The following IQSEC1 variants were observed in gnomAD, a reference collection of about 807,000 sequenced individuals.
IQSEC1 encodes the protein IQ motif and Sec7 domain ArfGEF 1.
A neutral mutation model predicts 91.0 loss-of-function variants in IQSEC1; 31 were observed. The ratio of observed to expected loss-of-function variants is 0.34; its 90% CI spans 0.26 to 0.46. The LOEUF (loss-of-function observed/expected upper bound fraction) is 0.46. IQSEC1 is among the 20% of genes least tolerant of loss of function. The pLI is 1.00. For synonymous variants in IQSEC1, 699 were observed against 662.6 expected (o/e 1.05, Z -0.84); for missense variants, 1,388 against 1,575.6 (o/e 0.88, Z 2.02).
chr3:13,268,156 G>A (rs898442291), intron 1 of IQSEC1, among the ~76,000 whole-genome samples: 7 of 152,184 alleles, frequency 4.6e-5, no homozygotes, highest in African/African-American at 1.7e-4. Flanking sequence ...CCTGAGCAGA[G>A]CCCAAGAGCT....
chr3:12,976,525 T>A (rs1286263827), intron 1 of IQSEC1, among the ~76,000 whole-genome samples: 3 of 152,192 alleles, frequency 2.0e-5, no homozygotes, highest in Admixed American at 6.5e-5. Context: ...GCATAGAGTC[T>A]GGGAGACAGA....
At chr3:13,160,368 C>T (rs148822111) in intron 2 of IQSEC1, among the ~76,000 whole-genome samples, 188 of 152,100 alleles carry the variant, frequency 1.2e-3, no homozygotes, top group South Asian at 3.7e-3. Context: ...GCTATGTTGC[C>T]CAGGCTAGTC....
At chr3:13,036,456 A>T (rs539131658) in intron 1 of IQSEC1, among the ~76,000 whole-genome samples, 2 of 152,054 alleles carry the variant, frequency 1.3e-5, no homozygotes, top group African/African-American at 2.4e-5. Context: ...AACAAAAATA[A>T]TTTTTTTTAA....
intron 1 of IQSEC1, among the ~76,000 whole-genome samples, chr3:12,955,727 G>A (rs1315859801): frequency 6.6e-6 from 1 of 152,178 alleles, no homozygotes; most frequent in Non-Finnish European, 1.5e-5. Context: ...TCTCCCGAGC[G>A]CCACCGGGCC....
In IQSEC1 at chr3:13,008,767, G is replaced by C. The variant is rs1702745658; in HGVS notation, c.23+64225C>G. Among the ~76,000 whole-genome samples the C allele has an allele frequency of 6.6e-6, 1 of 152,158 alleles. No individual in the cohort carries two copies. On this transcript the variant is annotated intron_variant, in intron 1 of 13. Transcript: ENST00000613206. The surrounding 1 kb of genome is among the most constrained non-coding windows in gnomAD (Gnocchi z 4.1). ...TTGGTCGAGTTACTGATAGAACAAC[G>C]CTCTTGATCCGGCTCCAGGGCAGAA... is the stretch of plus-strand genomic sequence containing the variant.
intron 2 of IQSEC1, among the ~76,000 whole-genome samples, chr3:13,124,995 C>T (rs1158640643): frequency 6.6e-6 from 1 of 152,178 alleles, no homozygotes; most frequent in African/African-American, 2.4e-5. Flanking sequence ...GATCTCCATC[C>T]TCCTTCTCCA....
chr3:13,126,092 T>C (rs1306187091), intron 2 of IQSEC1, among the ~76,000 whole-genome samples: 1 of 152,224 alleles, frequency 6.6e-6, no homozygotes, highest in African/African-American at 2.4e-5. Flanking sequence ...CACACAATAC[T>C]CTGGACATAT....
At position 12,997,548 on chromosome 3, in the gene IQSEC1, A is replaced by C. The variant is rs187049368; in HGVS notation, c.24-55683T>G. Among the ~76,000 whole-genome samples the C allele has an allele frequency of 1.1e-3, 170 of 152,304 alleles. 1 individual carries two copies. The highest frequency in any genetic ancestry group is 3.7e-3 in the African/African-American group (152 of 41,566). ...GAGAAATGTGTCCTTAGGTGATTTCATCATTGTGAAACCTCATAGAGTGTT... is the reference window on the plus strand; with the variant it reads ...GAGAAATGTGTCCTTAGGTGATTTCCTCATTGTGAAACCTCATAGAGTGTT... On this transcript the variant is annotated intron_variant, in intron 1 of 13. Transcript: ENST00000613206.
At chr3:13,157,169 G>C (rs1422180492) in intron 2 of IQSEC1, among the ~76,000 whole-genome samples, 1 of 152,196 alleles carries the variant, frequency 6.6e-6, no homozygotes, top group Non-Finnish European at 1.5e-5. Context: ...GGTTGCAATA[G>C]AAGCAGATGT....
At chr3:13,114,261 T>A (rs1362150252) in intron 2 of IQSEC1, among the ~76,000 whole-genome samples, 1 of 152,094 alleles carries the variant, frequency 6.6e-6, no homozygotes, top group Non-Finnish European at 1.5e-5. Flanking sequence ...TTCTCGGGTG[T>A]GGCTCTCTAG....
rs1694052592 is a variant in IQSEC1, at chr3:12,899,874, A to T, written c.*1109T>A. The T allele has an allele frequency of 1.0e-6, 1 of 984,976 alleles. No homozygotes were observed. Among genetic ancestry groups the T allele is most frequent in the South Asian group, 4.7e-5 (1 of 21,230 alleles). The allele number at this position is 984,976 out of a possible 1,614,324, so 61.0% of individuals were successfully genotyped here. Reference sequence around the variant, plus strand: ...GGGGAGACGAGGATGAGAGCTGGTCACTTTCATGTTGGAGATGAACACTTC... The same window carrying T: ...GGGGAGACGAGGATGAGAGCTGGTCTCTTTCATGTTGGAGATGAACACTTC... On this transcript the variant is annotated 3_prime_UTR_variant, in exon 14 of 14. Transcript: ENST00000613206.
intron 1 of IQSEC1, among the ~76,000 whole-genome samples, chr3:13,006,732 G>A (rs942743576): frequency 1.8e-4 from 28 of 152,256 alleles, no homozygotes; most frequent in African/African-American, 6.5e-4. Context: ...GGCCCCAGGA[G>A]GCAGCAGCAC....
At position 12,994,237 on chromosome 3, in the gene IQSEC1, C is replaced by T. The variant is rs944291803; in HGVS notation, c.24-52372G>A. Among the ~76,000 whole-genome samples, 1 of 149,902 alleles carries T rather than the reference C, an allele frequency of 6.7e-6. No homozygotes were observed. The highest frequency in any genetic ancestry group is 1.5e-5 in the Non-Finnish European group (1 of 67,200). On this transcript the variant is annotated intron_variant, in intron 1 of 13. Transcript: ENST00000613206. The surrounding 1 kb of genome is among the most constrained non-coding windows in gnomAD (Gnocchi z 4.5). ...ACCAGCGCCACCGGCGGGGCGGCCT[C>T]CCCGCGCGCCGCCCTCCTGCCCGCC...
intron 1 of IQSEC1, among the ~76,000 whole-genome samples, chr3:13,256,624 C>T (rs535284395): frequency 6.6e-6 from 1 of 152,322 alleles, no homozygotes; most frequent in Admixed American, 6.5e-5. Flanking sequence ...CGGGATATCT[C>T]ACTCAACCAA....
intron 2 of IQSEC1, among the ~76,000 whole-genome samples, chr3:13,117,138 A>G (rs781552189): frequency 6.6e-6 from 1 of 151,580 alleles, no homozygotes; most frequent in Non-Finnish European, 1.5e-5. Flanking sequence ...TCAACAACCA[A>G]AAGATAAGCA....
At chr3:13,275,753 G>A (rs1308094290) in intron 1 of IQSEC1, among the ~76,000 whole-genome samples, 1 of 152,240 alleles carries the variant, frequency 6.6e-6, no homozygotes, top group Non-Finnish European at 1.5e-5. Context: ...TTTGCATGAT[G>A]TTTCCAAGTG....
Position 13,163,261 on chromosome 3 carries a change from C to T in IQSEC1, c.302+843G>A, listed in dbSNP as rs764063144. On this transcript the variant is annotated intron_variant, in intron 2 of 15. Transcript: ENST00000648114. ...GACCCCACTCCAGCTGGCATCCTCA[C>T]GGCCAAGCTCAGGACATCTCATCTC... is the stretch of plus-strand genomic sequence containing the variant. Among the ~76,000 whole-genome samples the T allele has an allele frequency of 9.9e-5, 15 of 152,140 alleles. 1 individual carries two copies. The highest frequency in any genetic ancestry group is 9.2e-4 in the Admixed American group (14 of 15,274).
chr3:13,071,526 A>G (rs560181748), intron 1 of IQSEC1, among the ~76,000 whole-genome samples: 54 of 152,300 alleles, frequency 3.5e-4, no homozygotes, highest in African/African-American at 1.2e-3. Context: ...AGGAGGACCT[A>G]TTCCCAGCCA....
intron 2 of IQSEC1, among the ~76,000 whole-genome samples, chr3:13,098,487 T>C (rs552955447): frequency 2.6e-5 from 4 of 151,938 alleles, no homozygotes; most frequent in Non-Finnish European, 2.9e-5. Flanking sequence ...GAAAAGCCAG[T>C]AAGAATCAGG....
Sources: allele counts gnomAD v4.1 joint callset (sites outside exome capture counted in the v4.1 genomes callset), GRCh38; gene constraint gnomAD v4.1.1; non-coding constraint Gnocchi (gnomAD v3.1); transcripts MANE v1.5; gene names NCBI Gene and HGNC (gene_info 2026-07-23, HGNC 2026-07-21).